Variants in FRMD5 observed in about 807,000 individuals in gnomAD.
FRMD5 encodes FERM domain-containing protein 5.
In FRMD5, 20 loss-of-function variants were observed where a neutral mutation model predicts 69.0. The ratio of observed to expected loss-of-function variants is 0.29; its 90% CI spans 0.20 to 0.42. The LOEUF (loss-of-function observed/expected upper bound fraction) is 0.42. FRMD5 is among the 10% of genes least tolerant of loss of function. The probability of loss-of-function intolerance (pLI) is 1.00; values close to 1 mark genes in which losing one functional copy is unlikely to be tolerated. For missense variants in FRMD5, 595 were observed against 708.6 expected (o/e 0.84, Z 1.82); for synonymous variants, 271 against 260.1 (o/e 1.04, Z -0.40).
intron 1 of FRMD5, among the ~76,000 whole-genome samples, chr15:44,122,901 TA>T (rs1566957915): frequency 6.7e-6 from 1 of 149,306 alleles, no homozygotes; most frequent in Admixed American, 6.7e-5. Flanking sequence ...AAAAAAAATT[TA>T]AAAAAAAAGA....
chr15:43,958,045 G>T (rs1056479061), intron 1 of FRMD5, among the ~76,000 whole-genome samples: 1 of 152,060 alleles, frequency 6.6e-6, no homozygotes, highest in African/African-American at 2.4e-5. Context: ...TTATTTTTTT[G>T]AATATATCTA....
intron 1 of FRMD5, among the ~76,000 whole-genome samples, chr15:44,182,918 C>T (rs1195463978): frequency 6.6e-6 from 1 of 152,110 alleles, no homozygotes; most frequent in Non-Finnish European, 1.5e-5. Flanking sequence ...GCCTCAGCTT[C>T]CCCAGTAGCT....
chr15:44,125,312 A>G (rs1309304177), intron 1 of FRMD5, among the ~76,000 whole-genome samples: 1 of 152,012 alleles, frequency 6.6e-6, no homozygotes, highest in Non-Finnish European at 1.5e-5. Context: ...CTTAATAATA[A>G]TAATAATAAT....
chr15:43,879,565 G>A (rs777551037), intron 13 of FRMD5: 4 of 398,988 alleles, frequency 1.0e-5, no homozygotes, highest in South Asian at 2.5e-4. Context: ...CCCTGGAGCC[G>A]GGGCCCCATC....
intron 1 of FRMD5, among the ~76,000 whole-genome samples, chr15:44,127,204 T>A (rs957727848): frequency 6.6e-6 from 1 of 152,202 alleles, no homozygotes; most frequent in Non-Finnish European, 1.5e-5. Flanking sequence ...GCAATTCTCA[T>A]GCCTCAGCCT....
intron 1 of FRMD5, among the ~76,000 whole-genome samples, chr15:44,069,711 C>A (rs61676555): frequency 6.6e-6 from 1 of 151,996 alleles, no homozygotes; most frequent in African/African-American, 2.4e-5. Context: ...ATCATGGTGA[C>A]GGAAATGTTC....
At chr15:43,991,532 T>C (rs1889677008) in intron 1 of FRMD5, among the ~76,000 whole-genome samples, 2 of 152,206 alleles carry the variant, frequency 1.3e-5, no homozygotes, top group South Asian at 2.1e-4. Flanking sequence ...TGGATATTCA[T>C]TATAAAAATC....
intron 1 of FRMD5, among the ~76,000 whole-genome samples, chr15:43,952,247 A>C (rs2090047592): frequency 6.6e-6 from 1 of 152,152 alleles, no homozygotes; most frequent in African/African-American, 2.4e-5. Context: ...TACATCCCAA[A>C]TACATTCTAT....
At chr15:43,981,145 A>G (rs773903415) in intron 1 of FRMD5, among the ~76,000 whole-genome samples, 23 of 152,124 alleles carry the variant, frequency 1.5e-4, no homozygotes, top group South Asian at 2.1e-4. Context: ...CCTCCCAAGT[A>G]GCTGGGGTTT....
At chr15:44,063,529 A>G (rs1004095857) in intron 1 of FRMD5, 57 of 472,762 alleles carry the variant, frequency 1.2e-4, no homozygotes, top group African/African-American at 1.1e-3. Context: ...GGTGAAGGCC[A>G]GGGTAAATGA....
intron 1 of FRMD5, among the ~76,000 whole-genome samples, chr15:43,948,280 T>C (rs1312277694): frequency 6.6e-6 from 1 of 152,184 alleles, no homozygotes; most frequent in Non-Finnish European, 1.5e-5. Flanking sequence ...TGAAAGTGTA[T>C]TGTACTCTAA....
chr15:44,026,421 T>A (rs1240775512), intron 1 of FRMD5, among the ~76,000 whole-genome samples: 1 of 152,258 alleles, frequency 6.6e-6, no homozygotes, highest in Non-Finnish European at 1.5e-5. Flanking sequence ...AGATTAACTA[T>A]TACTGTATTT....
intron 1 of FRMD5, among the ~76,000 whole-genome samples, chr15:44,054,037 T>C (rs1425331031): frequency 1.3e-5 from 2 of 152,336 alleles, no homozygotes; most frequent in South Asian, 2.1e-4. Flanking sequence ...CTTTAAAGCA[T>C]TGAAATTGTG....
At chr15:43,973,068 G>C (rs1032508205) in intron 1 of FRMD5, among the ~76,000 whole-genome samples, 1 of 152,024 alleles carries the variant, frequency 6.6e-6, no homozygotes, top group African/African-American at 2.4e-5. Flanking sequence ...TGTCCTCCAG[G>C]CTGGAGTGCA....
chr15:44,123,654 G>A (rs2076986703), intron 1 of FRMD5, among the ~76,000 whole-genome samples: 1 of 152,014 alleles, frequency 6.6e-6, no homozygotes, highest in African/African-American at 2.4e-5. Flanking sequence ...ACTGACAAAA[G>A]TTTCTTGTCC....
chr15:44,159,363 T>A (rs1321687958), intron 1 of FRMD5, among the ~76,000 whole-genome samples: 1 of 152,038 alleles, frequency 6.6e-6, no homozygotes, highest in African/African-American at 2.4e-5. Flanking sequence ...GGCTTTGTAT[T>A]CCATGGTAAA....
chr15:43,920,004 G>T (rs182312020), intron 2 of FRMD5, among the ~76,000 whole-genome samples, 195 bp from the exon 3 acceptor site: 99 of 152,342 alleles, frequency 6.5e-4, no homozygotes, highest in Admixed American at 5.2e-3. Flanking sequence ...AGCTGTGAAG[G>T]GGGGAATAGT....
At chr15:44,010,398 TTC>T (rs1283731820) in intron 1 of FRMD5, among the ~76,000 whole-genome samples, 69 of 59,040 alleles carry the variant, frequency 1.2e-3, no homozygotes, top group African/African-American at 3.1e-3. Flanking sequence ...TTTTTTCCTT[TTC>T]TTTTTTTTTT....
intron 1 of FRMD5, among the ~76,000 whole-genome samples, chr15:44,001,028 C>G (rs1208498979): frequency 6.6e-6 from 1 of 152,102 alleles, no homozygotes; most frequent in East Asian, 1.9e-4. Context: ...TACAAGGGTT[C>G]CCTTTTCTCA....
Sources: allele counts gnomAD v4.1 joint callset (sites outside exome capture counted in the v4.1 genomes callset), GRCh38; gene constraint gnomAD v4.1.1; transcripts MANE v1.5; gene names NCBI Gene and HGNC (gene_info 2026-07-23, HGNC 2026-07-21).